NTRK2: variants seen among roughly 807,000 people sequenced by gnomAD.
The protein encoded by NTRK2 is neurotrophic receptor tyrosine kinase 2.
A neutral mutation model predicts 94.5 loss-of-function variants in NTRK2; 13 were observed. The observed-to-expected ratio is 0.14, with a 90% CI of 0.09 to 0.22. The LOEUF is 0.22. Among genes scored for constraint, NTRK2 ranks in the 10% least tolerant of loss-of-function variants. The pLI is 1.00. For missense variants in NTRK2, 639 were observed against 1,071.2 expected, an observed-to-expected ratio of 0.60 and a Z score of 5.63; for synonymous variants, 372 against 407.4, an observed-to-expected ratio of 0.91 and a Z score of 1.05.
At position 85,021,794 on chromosome 9, in the gene NTRK2, G is replaced by C. The variant is rs200004455; in HGVS notation, c.*357G>C. The C allele has an allele frequency of 3.6e-5, 12 of 332,922 alleles. No individual in the cohort carries two copies. The highest frequency in any genetic ancestry group is 6.7e-5 in the Non-Finnish European group (12 of 180,326). The allele number at this position is 332,922 out of a possible 1,614,324, so 20.6% of individuals were successfully genotyped here. On this transcript the variant is annotated 3_prime_UTR_variant, in exon 19 of 19. Transcript: ENST00000277120. The stretch of plus-strand genomic sequence containing the variant: ...TTACTATTAACTCTGCATAGACAAA[G>C]GCCTTAACAAACGTAATTTGTTATA...
rs1008392977 is a variant in NTRK2, at chr9:84,853,094, G to A, written c.1397-7946G>A. On this transcript the variant is annotated intron_variant, in intron 12 of 18. Transcript: ENST00000277120. ...TATTTAGCAGGAGAAAATCTAGGCC[G>A]GTTGACTGAGTGCTTTTCCTTATAT... Among the ~76,000 whole-genome samples the A allele has an allele frequency of 3.9e-5, 6 of 152,112 alleles. No homozygotes were observed. In the South Asian group the frequency reaches 8.3e-4, roughly 21 times the overall value.
intron 6 of NTRK2, among the ~76,000 whole-genome samples, chr9:84,718,850 G>A (rs1033959118): frequency 3.3e-5 from 5 of 152,130 alleles, no homozygotes; most frequent in Admixed American, 3.3e-4. Context: ...AGTACAGATT[G>A]TTTTTTCCAT....
chr9:84,895,692 G>A (rs2076736983), intron 14 of NTRK2, among the ~76,000 whole-genome samples: 1 of 152,210 alleles, frequency 6.6e-6, no homozygotes, highest in African/African-American at 2.4e-5. Flanking sequence ...GGGAGTGTGA[G>A]CAAATCGATA....
At chr9:84,974,754 C>A (rs1457983050) in intron 17 of NTRK2, among the ~76,000 whole-genome samples, 1 of 152,142 alleles carries the variant, frequency 6.6e-6, no homozygotes, top group African/African-American at 2.4e-5. Context: ...CTTTGTAGGT[C>A]CCCTTAGAAC....
At chr9:84,988,149 A>G (rs532458246) in intron 17 of NTRK2, among the ~76,000 whole-genome samples, 234 of 152,308 alleles carry the variant, frequency 1.5e-3, no homozygotes, top group African/African-American at 5.2e-3. Context: ...CTACATCTTG[A>G]AGGATATTTG....
At chr9:84,950,033 A>G (rs1485348374) in intron 16 of NTRK2, among the ~76,000 whole-genome samples, 1 of 152,244 alleles carries the variant, frequency 6.6e-6, no homozygotes, top group East Asian at 1.9e-4. Flanking sequence ...CAGTCCAGGC[A>G]TTATTAGCTG....
chr9:84,691,027 G>A (rs553259545), intron 2 of NTRK2, among the ~76,000 whole-genome samples: 1 of 152,226 alleles, frequency 6.6e-6, no homozygotes, highest in Admixed American at 6.5e-5. Flanking sequence ...AGGGATGAAA[G>A]AATTAAAGAC....
chr9:84,697,900 G>A (rs2060484794), intron 2 of NTRK2, among the ~76,000 whole-genome samples: 1 of 152,088 alleles, frequency 6.6e-6, no homozygotes, highest in South Asian at 2.1e-4. Flanking sequence ...TTGTATGGTT[G>A]TTGCAGTCTC....
chr9:84,871,001 T>C (rs1028977636), intron 14 of NTRK2, among the ~76,000 whole-genome samples: 1 of 152,236 alleles, frequency 6.6e-6, no homozygotes, highest in Non-Finnish European at 1.5e-5. Context: ...CTGACTTATA[T>C]AATAAAGACG....
Position 85,024,425 on chromosome 9 carries a change from A to C in NTRK2, c.*2988A>C, listed in dbSNP as rs1475941407. On this transcript the variant is annotated 3_prime_UTR_variant, in exon 19 of 19. Transcript: ENST00000277120. ...GGTCTGACAATCATTTCCATTTAGA[A>C]GTCATTGAATAGTTTTCCAAACACT... 4.3e-6 allele frequency: 1 copy of C among 232,928 alleles called. No homozygotes were observed. Among genetic ancestry groups the C allele is most frequent in the Non-Finnish European group, 8.5e-6 (1 of 117,900 alleles). The allele number at this position is 232,928 out of a possible 1,614,324, so 14.4% of individuals were successfully genotyped here.
chr9:84,735,604 G>T (rs773427167), intron 9 of NTRK2, among the ~76,000 whole-genome samples: 1 of 152,202 alleles, frequency 6.6e-6, no homozygotes, highest in African/African-American at 2.4e-5. Flanking sequence ...TTGGCATAAA[G>T]TTGGATGAAT....
At chr9:84,871,637 A>T in intron 14 of NTRK2, 1 of 761,160 alleles carries the variant, frequency 1.3e-6, no homozygotes, top group Non-Finnish European at 2.4e-6. Flanking sequence ...GTGATCAATT[A>T]TATCCCTTGA....
intron 11 of NTRK2, among the ~76,000 whole-genome samples, chr9:84,748,355 T>A (rs1311001805): frequency 6.6e-6 from 1 of 152,260 alleles, no homozygotes; most frequent in East Asian, 1.9e-4. Flanking sequence ...TCAGTAGCTT[T>A]AAGTATTTGT....
chr9:84,876,885 G>A lies in NTRK2; in HGVS notation c.1633+9454G>A, dbSNP rs547360474. ...TAGGAGTCTTTGTTCTGGGTTGATG[G>A]CAAAATTCCTCTTTTTACATGTGAG... On this transcript the variant is annotated intron_variant, in intron 14 of 18. Coordinates refer to ENST00000277120, the MANE Select transcript of NTRK2 (RefSeq NM_006180.6). The A allele has an allele frequency of 2.7e-5, 29 of 1,061,978 alleles. No homozygotes were observed. The African/African-American group carries it at 4.4e-4, about 16-fold the overall frequency. The allele number at this position is 1,061,978 out of a possible 1,614,324, so 65.8% of individuals were successfully genotyped here. A position where few individuals can be genotyped will look rare whatever the true frequency, so the allele number is the denominator to read the frequency against.
chr9:84,690,656 T>C (rs1463479981), intron 2 of NTRK2, among the ~76,000 whole-genome samples: 4 of 151,832 alleles, frequency 2.6e-5, no homozygotes, highest in Non-Finnish European at 4.4e-5. Flanking sequence ...GAGGTGGAGC[T>C]TGCAGTGAGC....
chr9:84,882,697 AGTGTGTGT>A (rs71847053), intron 14 of NTRK2, among the ~76,000 whole-genome samples: 2 of 149,704 alleles, frequency 1.3e-5, no homozygotes, highest in Non-Finnish European at 3.0e-5. Flanking sequence ...CTTTTGTTCT[AGTGTGTGT>A]GTGTGTGTGT....
chr9:84,868,202 G>A (rs968528764), intron 14 of NTRK2, among the ~76,000 whole-genome samples: 9 of 152,242 alleles, frequency 5.9e-5, no homozygotes, highest in East Asian at 3.9e-4. Context: ...ATAAGGGGCC[G>A]TGAGGGCTAT....
At chr9:84,998,289 C>A (rs536863937) in intron 17 of NTRK2, among the ~76,000 whole-genome samples, 1 of 152,306 alleles carries the variant, frequency 6.6e-6, no homozygotes, top group African/African-American at 2.4e-5. Flanking sequence ...CTTCAAGGGG[C>A]ACTTAGCTTC....
chr9:84,773,413 G>A (rs937548188), intron 12 of NTRK2, among the ~76,000 whole-genome samples: 1 of 152,212 alleles, frequency 6.6e-6, no homozygotes, highest in Non-Finnish European at 1.5e-5. Flanking sequence ...TGATGGAGGG[G>A]TGAGGGGAGT....
Sources: gnomAD v4.1 joint callset for allele counts (sites outside exome capture counted in the v4.1 genomes callset) on GRCh38, gnomAD v4.1.1 for gene constraint, MANE v1.5 for transcripts, NCBI Gene and HGNC (gene_info 2026-07-23, HGNC 2026-07-21) for gene names.